The following ARFIP1 variants were observed in gnomAD, a reference collection of about 807,000 sequenced individuals.
ARFIP1 encodes the protein ARF interacting protein 1.
A neutral mutation model predicts 42.5 loss-of-function variants in ARFIP1; 24 were observed. The observed-to-expected ratio is 0.57, with a 90% confidence interval of 0.41 to 0.80. The LOEUF is 0.80. Ranked by LOEUF, ARFIP1 falls within the 30% of genes least tolerant of loss-of-function variation. The pLI is 0.00. For missense variants in ARFIP1, 354 were observed against 434.0 expected (o/e 0.82, Z 1.64); for synonymous variants, 141 against 153.7 (o/e 0.92, Z 0.61).
At chr4:152,848,107 C>T (rs1414239982) in intron 2 of ARFIP1, among the ~76,000 whole-genome samples, 3 of 152,030 alleles carry the variant, frequency 2.0e-5, no homozygotes, top group South Asian at 2.1e-4. Context: ...TTAGAGATCT[C>T]GGAGTCTCAC....
chr4:152,852,013 C>T (rs1733025716), intron 2 of ARFIP1, among the ~76,000 whole-genome samples: 1 of 152,226 alleles, frequency 6.6e-6, no homozygotes, highest in African/African-American at 2.4e-5. Flanking sequence ...TTGCCAAAAG[C>T]ATATTTTGTT....
At chr4:152,865,439 A>G (rs946184778) in intron 3 of ARFIP1, among the ~76,000 whole-genome samples, 2 of 152,132 alleles carry the variant, frequency 1.3e-5, no homozygotes, top group Admixed American at 6.5e-5. Context: ...GCCTGGCCGT[A>G]TGCTGTATTT....
intron 1 of ARFIP1, among the ~76,000 whole-genome samples, chr4:152,810,732 CA>C (rs1292220332): frequency 1.3e-5 from 2 of 152,112 alleles, no homozygotes; most frequent in Admixed American, 1.3e-4. Context: ...AGGAGAATGG[CA>C]TGAACCTGGG....
chr4:152,878,455 G>A (rs1201042304), intron 5 of ARFIP1, among the ~76,000 whole-genome samples: 1 of 152,128 alleles, frequency 6.6e-6, no homozygotes, highest in Non-Finnish European at 1.5e-5. Context: ...GGAAATTGGT[G>A]GCAACTTTAT....
At chr4:152,832,684 C>A (rs370710005) in intron 2 of ARFIP1, among the ~76,000 whole-genome samples, 3 of 152,226 alleles carry the variant, frequency 2.0e-5, no homozygotes, top group East Asian at 3.9e-4. Flanking sequence ...TTTGTTTCTT[C>A]TAAAAGTTGT....
chr4:152,885,255 T>C (rs191562433), intron 7 of ARFIP1, among the ~76,000 whole-genome samples: 1 of 152,224 alleles, frequency 6.6e-6, no homozygotes, highest in Admixed American at 6.6e-5. Context: ...ATCTATTTGA[T>C]CAGTGCAAAA....
At chr4:152,814,093 T>C (rs987982394) in intron 1 of ARFIP1, among the ~76,000 whole-genome samples, 78 of 16,494 alleles carry the variant, frequency 4.7e-3, no homozygotes, top group African/African-American at 0.013. Context: ...TCTTTCTTCT[T>C]CTTCTTTTTT....
chr4:152,902,850 T>C (rs1406695216), intron 8 of ARFIP1, among the ~76,000 whole-genome samples: 2 of 152,186 alleles, frequency 1.3e-5, no homozygotes, highest in Non-Finnish European at 2.9e-5. Context: ...GAAACCAGAA[T>C]CTTTCCCAGG....
intron 1 of ARFIP1, among the ~76,000 whole-genome samples, chr4:152,805,822 T>C (rs571252233): frequency 2.6e-4 from 39 of 152,354 alleles, no homozygotes; most frequent in African/African-American, 9.4e-4. Context: ...TTGCCTAAGG[T>C]TCACAGCTAG....
chr4:152,854,891 C>T (rs62319911), intron 2 of ARFIP1, among the ~76,000 whole-genome samples: 6,607 of 152,234 alleles, frequency 0.043, 178 homozygotes, highest in South Asian at 0.11. Context: ...TGGTATATGC[C>T]GGCACCAGTG....
intron 2 of ARFIP1, among the ~76,000 whole-genome samples, chr4:152,848,384 C>T (rs1732729446): frequency 6.6e-6 from 1 of 152,150 alleles, no homozygotes; most frequent in Admixed American, 6.5e-5. Context: ...TTTTAGACTT[C>T]TCTGAAAAAC....
chr4:152,829,525 T>C, intron 1 of ARFIP1, 100 bp from the exon 2 acceptor site: 1 of 667,290 alleles, frequency 1.5e-6, no homozygotes, highest in South Asian at 3.1e-5. Flanking sequence ...GTTGCAATGA[T>C]AAAAAATATT....
chr4:152,820,548 A>G (rs1384444222), intron 1 of ARFIP1, among the ~76,000 whole-genome samples: 1 of 152,224 alleles, frequency 6.6e-6, no homozygotes, highest in Non-Finnish European at 1.5e-5. Context: ...GCCTGAGGAA[A>G]CTTACAGTCG....
At position 152,853,905 on chromosome 4, in the gene ARFIP1, C is replaced by CTTTTTTTTTTTTTT. The variant is rs36055484; in HGVS notation, c.94-9691_94-9678dup. 8.0e-5 allele frequency among the ~76,000 whole-genome samples: 6 copies of CTTTTTTTTTTTTTT among 74,764 alleles called. 1 individual carries two copies. Among genetic ancestry groups the CTTTTTTTTTTTTTT allele is most frequent in the Admixed American group, 3.4e-4 (2 of 5,926 alleles). The allele number at this position is 74,764 out of a possible 152,430, so 49.0% of individuals were successfully genotyped here. A position where few individuals can be genotyped will look rare whatever the true frequency, so the allele number is the denominator to read the frequency against. On this transcript the variant is annotated intron_variant, in intron 2 of 8. Transcript: ENST00000353617. ...AGACCTGTCTTCAAGTTCTGAGATTCTTTTTTTTTTTTTTTTTTTTTTTGA... is the reference window on the plus strand; with the variant it reads ...AGACCTGTCTTCAAGTTCTGAGATTCTTTTTTTTTTTTTTTTTTTTTTTTTTTTTTTTTTTTTGA...
intron 8 of ARFIP1, among the ~76,000 whole-genome samples, chr4:152,896,359 G>A (rs535538376): frequency 5.3e-5 from 8 of 152,236 alleles, no homozygotes; most frequent in Non-Finnish European, 1.0e-4. Flanking sequence ...CAATGGTTCA[G>A]CAGTAAAGGA....
Position 152,910,079 on chromosome 4 carries a change from A to T in ARFIP1, c.982A>T (p.Asn328Tyr). Residue 328 changes from asparagine to tyrosine, a missense_variant, in exon 9 of 9, where the codon AAT (asparagine) becomes TAT (tyrosine). Coordinates refer to ENST00000353617, the MANE Select transcript of ARFIP1 (RefSeq NM_001025595.3). ...LEENKVKVLH[N>Y]QLVLFHNAIA... ...CTGTCCACAGGTTAAAGTATTGCAC[A>T]ATCAGCTGGTCCTTTTCCACAATGC... 6.2e-7 allele frequency: 1 copy of T among 1,614,206 alleles called. No homozygotes were observed. Among genetic ancestry groups the T allele is most frequent in the Non-Finnish European group, 8.5e-7 (1 of 1,180,022 alleles).
chr4:152,861,751 TC>T (rs1351348717), intron 2 of ARFIP1, among the ~76,000 whole-genome samples: 6 of 152,208 alleles, frequency 3.9e-5, no homozygotes, highest in Non-Finnish European at 8.8e-5. Flanking sequence ...TGAAAGGGCT[TC>T]TTATTTCAGT....
rs1207211561 is a variant in ARFIP1 at position 152,804,063 on chromosome 4, TGTAATATATATTATATATAATATAAC to T, written c.-10+23864_-10+23889del. 1.2e-3 allele frequency among the ~76,000 whole-genome samples: 138 copies of T among 118,460 alleles called. 39 individuals are homozygous for T. The highest frequency in any genetic ancestry group is 1.6e-3 in the East Asian group (7 of 4,440). The allele number at this position is 118,460 out of a possible 152,430, so 77.7% of individuals were successfully genotyped here. A position where few individuals can be genotyped will look rare whatever the true frequency, so the allele number is the denominator to read the frequency against. On this transcript the variant is annotated intron_variant, in intron 1 of 8. Transcript: ENST00000353617. ...TATATATATTATATATAATATAACA[TGTAATATATATTATATATAATATAAC>T]GTAATATATATTATATATAATATAA...
intron 5 of ARFIP1, among the ~76,000 whole-genome samples, chr4:152,876,336 A>G (rs1735328595): frequency 6.6e-6 from 1 of 152,196 alleles, no homozygotes; most frequent in African/African-American, 2.4e-5. Flanking sequence ...CTTATTGGGA[A>G]CTGGAGCAAA....
Sources: allele counts gnomAD v4.1 joint callset (sites outside exome capture counted in the v4.1 genomes callset), GRCh38; gene constraint gnomAD v4.1.1; transcripts MANE v1.5; gene names NCBI Gene and HGNC (gene_info 2026-07-23, HGNC 2026-07-21).